The following SLIT2 variants were observed in gnomAD, a reference collection of about 807,000 sequenced individuals.
The protein encoded by SLIT2 is slit homolog 2 protein.
In SLIT2, 41 loss-of-function variants were observed where a neutral mutation model predicts 185.7. The observed-to-expected ratio is 0.22, with a 90% CI of 0.17 to 0.29. The LOEUF is 0.29. SLIT2 is among the 10% of genes least tolerant of loss of function. SLIT2 has a pLI of 1.00. For synonymous variants in SLIT2, 693 were observed against 680.2 expected (o/e 1.02, Z -0.29); for missense variants, 1,571 against 1,909.0 (o/e 0.82, Z 3.30).
At chr4:20,380,718 A>G (rs1291802427) in intron 4 of SLIT2, among the ~76,000 whole-genome samples, 4 of 152,148 alleles carry the variant, frequency 2.6e-5, no homozygotes, top group African/African-American at 9.7e-5. Context: ...AAAATAAAAA[A>G]ATGAAGCAGA....
intron 9 of SLIT2, among the ~76,000 whole-genome samples, chr4:20,495,116 G>T (rs1042699959): frequency 1.3e-5 from 2 of 152,098 alleles, no homozygotes; most frequent in Non-Finnish European, 2.9e-5. Context: ...TTGATAGAGT[G>T]GTAGGTCAAT....
At chr4:20,609,143 A>G (rs184755826) in intron 33 of SLIT2, among the ~76,000 whole-genome samples, 61 of 152,306 alleles carry the variant, frequency 4.0e-4, no homozygotes, top group Middle Eastern at 6.8e-3. Context: ...CATGTAAAAC[A>G]TATTTACTAA....
chr4:20,399,691 A>G (rs1464807678), intron 4 of SLIT2, among the ~76,000 whole-genome samples: 2 of 151,760 alleles, frequency 1.3e-5, no homozygotes, highest in Non-Finnish European at 2.9e-5. Flanking sequence ...CTGGTAGGTA[A>G]GAGTTATATC....
chr4:20,550,082 C>G (rs1226137209), intron 24 of SLIT2, among the ~76,000 whole-genome samples: 1 of 152,054 alleles, frequency 6.6e-6, no homozygotes, highest in Non-Finnish European at 1.5e-5. Context: ...AATTTTTCCA[C>G]CAACTATTTA....
At chr4:20,455,192 T>G (rs1018701708) in intron 4 of SLIT2, among the ~76,000 whole-genome samples, 1 of 152,134 alleles carries the variant, frequency 6.6e-6, no homozygotes, top group African/African-American at 2.4e-5. Flanking sequence ...TAAAAGGTGT[T>G]CCTATAGTCT....
intron 9 of SLIT2, among the ~76,000 whole-genome samples, chr4:20,509,414 A>G (rs529274300): frequency 3.3e-5 from 5 of 152,176 alleles, no homozygotes; most frequent in Non-Finnish European, 5.9e-5. Flanking sequence ...ACAGAAAGTA[A>G]AATTAGGAAG....
At chr4:20,446,382 A>G (rs1711798685) in intron 4 of SLIT2, among the ~76,000 whole-genome samples, 1 of 152,216 alleles carries the variant, frequency 6.6e-6, no homozygotes, top group South Asian at 2.1e-4. Flanking sequence ...ATGGGGAGTA[A>G]GTCTGAGAAA....
rs117750286 is a variant in SLIT2, at chr4:20,458,265, A to G, written c.396-9487A>G. ...TCTTATCCAGCTCTCTCCTTTGTCC[A>G]GAGAGTGTATACACTCTTCTTGCCT... is the stretch of plus-strand genomic sequence containing the variant. On this transcript the variant is annotated intron_variant, in intron 4 of 36. Transcript: ENST00000504154. Among the ~76,000 whole-genome samples the G allele has an allele frequency of 7.4e-4, 113 of 152,248 alleles. 2 individuals carry two copies. The East Asian group carries it at 0.017, about 23-fold the overall frequency.
chr4:20,401,353 A>G (rs916632291), intron 4 of SLIT2, among the ~76,000 whole-genome samples: 1 of 151,906 alleles, frequency 6.6e-6, no homozygotes, highest in African/African-American at 2.4e-5. Context: ...AAAATATTGT[A>G]CCTCCAAAGC....
chr4:20,350,444 T>C (rs1721779043), intron 4 of SLIT2, among the ~76,000 whole-genome samples: 1 of 152,316 alleles, frequency 6.6e-6, no homozygotes, highest in South Asian at 2.1e-4. Context: ...GTGTGAGATA[T>C]AGTGAATCAT....
chr4:20,587,630 G>T (rs1727170197), intron 29 of SLIT2, among the ~76,000 whole-genome samples: 1 of 152,114 alleles, frequency 6.6e-6, no homozygotes, highest in Non-Finnish European at 1.5e-5. Context: ...TCAACTCTCA[G>T]TTTTATTTTT....
chr4:20,392,825 A>C (rs1402009360), intron 4 of SLIT2, among the ~76,000 whole-genome samples: 4 of 152,122 alleles, frequency 2.6e-5, no homozygotes, highest in Non-Finnish European at 5.9e-5. Flanking sequence ...CAGAAGCGAT[A>C]ACACACAAAG....
chr4:20,443,158 T>C (rs1473080), intron 4 of SLIT2, among the ~76,000 whole-genome samples: 35,684 of 152,128 alleles, frequency 0.23, 4,334 homozygotes, highest in Non-Finnish European at 0.27. Context: ...TGTGCATATG[T>C]GTAGCTTTGG....
At chr4:20,523,347 G>C (rs746228373) in intron 12 of SLIT2, among the ~76,000 whole-genome samples, 1 of 152,144 alleles carries the variant, frequency 6.6e-6, no homozygotes, top group Admixed American at 6.5e-5. Flanking sequence ...ATGTTTAGAA[G>C]GATCACACTA....
At chr4:20,266,115 A>T (rs888973525) in intron 3 of SLIT2, among the ~76,000 whole-genome samples, 18 of 151,892 alleles carry the variant, frequency 1.2e-4, no homozygotes, top group African/African-American at 4.1e-4. Context: ...GAATTAGAAC[A>T]CATGTTAGCT....
intron 4 of SLIT2, among the ~76,000 whole-genome samples, chr4:20,285,228 G>T (rs1373280115): frequency 6.6e-6 from 1 of 152,206 alleles, no homozygotes; most frequent in Non-Finnish European, 1.5e-5. Flanking sequence ...ATGGGAGTGA[G>T]ACAATGATGA....
chr4:20,506,278 T>C (rs573155348), intron 9 of SLIT2, among the ~76,000 whole-genome samples: 1 of 152,146 alleles, frequency 6.6e-6, no homozygotes, highest in Admixed American at 6.6e-5. Context: ...ATATTGAATT[T>C]TCTCCGAAGG....
At chr4:20,337,142 C>A (rs1720573793) in intron 4 of SLIT2, among the ~76,000 whole-genome samples, 1 of 152,132 alleles carries the variant, frequency 6.6e-6, no homozygotes. Context: ...AGTCTGTTTT[C>A]ACTCTGCTGA....
intron 3 of SLIT2, among the ~76,000 whole-genome samples, chr4:20,261,263 C>T (rs1560263204): frequency 1.3e-5 from 2 of 151,786 alleles, no homozygotes; most frequent in East Asian, 3.9e-4. Context: ...TGTACTCTAC[C>T]TAGATGACCA....
Sources: allele counts gnomAD v4.1 joint callset (sites outside exome capture counted in the v4.1 genomes callset), GRCh38; gene constraint gnomAD v4.1.1; transcripts MANE v1.5; gene names NCBI Gene and HGNC (gene_info 2026-07-23, HGNC 2026-07-21).